Variants in UTP20 observed in about 807,000 individuals in gnomAD.
UTP20 encodes the protein UTP20 small subunit processome component, also known as small subunit processome component 20 homolog.
Under a neutral mutation model 329.5 loss-of-function variants are expected in UTP20, and 164 were observed. The observed-to-expected ratio is 0.50, with a 90% CI of 0.44 to 0.57. The LOEUF (loss-of-function observed/expected upper bound fraction) is 0.57, where lower values mean the gene tolerates loss of function less well. Among genes scored for constraint, UTP20 ranks in the 20% least tolerant of loss-of-function variants. UTP20 has a pLI of 0.00. For missense variants in UTP20, 3,055 were observed against 3,284.2 expected, an observed-to-expected ratio of 0.93 and a Z score of 1.71; for synonymous variants, 1,151 against 1,159.3, an observed-to-expected ratio of 0.99 and a Z score of 0.14.
At position 101,386,388 on chromosome 12, in the gene UTP20, G is replaced by GTATT. The variant is rs975344952; in HGVS notation, c.*267_*270dup. 29 of 268,266 alleles carry GTATT rather than the reference G, an allele frequency of 1.1e-4. No homozygotes were observed. In the East Asian group the frequency reaches 1.2e-3, roughly 11 times the overall value. The allele number at this position is 268,266 out of a possible 1,614,324, so 16.6% of individuals were successfully genotyped here. A position where few individuals can be genotyped will look rare whatever the true frequency, so the allele number is the denominator to read the frequency against. On this transcript the variant is annotated 3_prime_UTR_variant, in exon 62 of 62. Transcript: ENST00000261637. ...ATGCCCGGCAAATTTTTTGTATTTT[G>GTATT]TATTTTTTGTAGAAACAGGATTTCG...
At chr12:101,382,018 C>CAAAAAAA (rs756789889) in intron 58 of UTP20, among the ~76,000 whole-genome samples, 7 of 107,252 alleles carry the variant, frequency 6.5e-5, no homozygotes, top group African/African-American at 1.5e-4. Context: ...GACTCTGTAT[C>CAAAAAAA]AAAAAAAAAA....
rs1402895836 is a variant in UTP20 at position 101,357,225 on chromosome 12, A to G, written c.5691+143A>G. The G allele has an allele frequency of 5.7e-6, 4 of 707,476 alleles. No homozygotes were observed. The East Asian group carries it at 9.0e-5, about 16-fold the overall frequency. 43.8% of individuals were successfully genotyped at this position (707,476 alleles called of 1,614,324 possible). ...GAGCAGTAATATTCAAAAGTTTCCA[A>G]TTAGTATTAAGGAAATCTGTTGTTT... On this transcript the variant is annotated intron_variant, in intron 43 of 61. Coordinates refer to ENST00000261637, the MANE Select transcript of UTP20 (RefSeq NM_014503.3).
intron 5 of UTP20, among the ~76,000 whole-genome samples, chr12:101,287,645 A>C (rs1372919022): frequency 6.6e-6 from 1 of 152,156 alleles, no homozygotes; most frequent in Non-Finnish European, 1.5e-5. Context: ...ATTTTCTGTC[A>C]TTAATACTAA....
chr12:101,307,052 C>G (rs1468986765), intron 17 of UTP20, among the ~76,000 whole-genome samples: 2 of 151,736 alleles, frequency 1.3e-5, no homozygotes, highest in African/African-American at 4.8e-5. Flanking sequence ...GTGGCGGGCA[C>G]CTGTAGTCCC....
chr12:101,379,692 GA>G, intron 57 of UTP20, 134 bp downstream of exon 57: 1 of 954,604 alleles, frequency 1.0e-6, no homozygotes, highest in East Asian at 2.6e-5. Flanking sequence ...GAATCAATAG[GA>G]ATATTAGTCA....
intron 17 of UTP20, among the ~76,000 whole-genome samples, 159 bp downstream of exon 17, chr12:101,306,920 T>C (rs1171268385): frequency 6.6e-6 from 1 of 152,200 alleles, no homozygotes; most frequent in African/African-American, 2.4e-5. Flanking sequence ...ACGCCTGTAA[T>C]CCCAGCACTT....
chr12:101,283,736 G>A (rs1471108609), intron 2 of UTP20, among the ~76,000 whole-genome samples: 1 of 152,200 alleles, frequency 6.6e-6, no homozygotes, highest in Non-Finnish European at 1.5e-5. Flanking sequence ...GAAAAATAGA[G>A]ATAGGATCTC....
At chr12:101,289,473 G>T (rs1242875864) in intron 6 of UTP20, among the ~76,000 whole-genome samples, 1 of 151,968 alleles carries the variant, frequency 6.6e-6, no homozygotes, top group Non-Finnish European at 1.5e-5. Context: ...TGGTTATTAT[G>T]GGCTAATTTT....
At chr12:101,309,919 G>A in intron 19 of UTP20, 80 bp downstream of exon 19, 2 of 1,326,620 alleles carry the variant, frequency 1.5e-6, no homozygotes, top group South Asian at 1.2e-5. Context: ...TCTCCTTCTG[G>A]GTGTGATTTA....
At position 101,356,307 on chromosome 12, in the gene UTP20, G is replaced by T. The variant is rs1387549323; in HGVS notation, c.5395-247G>T. Among the ~76,000 whole-genome samples the T allele has an allele frequency of 2.0e-5, 3 of 152,028 alleles. No homozygotes were observed. The South Asian group carries it at 6.2e-4, about 32-fold the overall frequency. On this transcript the variant is annotated intron_variant, in intron 41 of 61. Transcript: ENST00000261637. ...ACGCCCGGCTAATTTTGTATTTTTA[G>T]TAGAGACGGGGTTTCTCCAGGTTGG...
At chr12:101,347,310 G>A (rs1404964183) in intron 38 of UTP20, among the ~76,000 whole-genome samples, 3 of 152,098 alleles carry the variant, frequency 2.0e-5, no homozygotes, top group African/African-American at 7.2e-5. Context: ...ATCACTTGAG[G>A]TCAGGAGTTT....
chr12:101,311,597 A>T lies in UTP20; in HGVS notation c.2232-122A>T, dbSNP rs117749202. ...AAGTGCAAAAGGTGTTTACGACTCC[A>T]CATTGAGGGATAACCTAATTGACAT... On this transcript the variant is annotated intron_variant, in intron 19 of 61. Coordinates refer to ENST00000261637, the MANE Select transcript of UTP20 (RefSeq NM_014503.3). The T allele has an allele frequency of 4.3e-4, 365 of 841,830 alleles. 2 individuals carry two copies. The East Asian group carries it at 8.5e-3, about 20-fold the overall frequency. The allele number at this position is 841,830 out of a possible 1,614,324, so 52.1% of individuals were successfully genotyped here.
chr12:101,367,437 C>G (rs1870133857), intron 47 of UTP20, among the ~76,000 whole-genome samples: 1 of 152,168 alleles, frequency 6.6e-6, no homozygotes, highest in Non-Finnish European at 1.5e-5. Context: ...AGTCACCATA[C>G]TCTTTCCTGC....
chr12:101,382,234 G>A (rs1870671235), intron 58 of UTP20, among the ~76,000 whole-genome samples: 1 of 151,682 alleles, frequency 6.6e-6, no homozygotes, highest in African/African-American at 2.4e-5. Context: ...GCGAAACCCT[G>A]TCTCTACTAA....
intron 5 of UTP20, among the ~76,000 whole-genome samples, chr12:101,286,932 G>A (rs1871978154): frequency 1.3e-5 from 2 of 152,122 alleles, no homozygotes; most frequent in Non-Finnish European, 2.9e-5. Context: ...TTTAAACACT[G>A]ACATTTCCCC....
chr12:101,317,380 A>T, intron 21 of UTP20, 98 bp from the exon 22 acceptor site: 2 of 1,324,974 alleles, frequency 1.5e-6, no homozygotes, highest in Non-Finnish European at 2.1e-6. Context: ...TCAGTGTGTG[A>T]TTCTGTGAAC....
intron 18 of UTP20, among the ~76,000 whole-genome samples, chr12:101,309,105 T>G (rs748360578): frequency 2.0e-5 from 3 of 152,098 alleles, no homozygotes; most frequent in Non-Finnish European, 2.9e-5. Context: ...TCTTTGGGAG[T>G]AAGGCCAAAA....
chr12:101,362,463 G>T (rs1427648954), intron 44 of UTP20, among the ~76,000 whole-genome samples: 3 of 152,144 alleles, frequency 2.0e-5, no homozygotes, highest in Non-Finnish European at 4.4e-5. Flanking sequence ...CAGCACTTTG[G>T]GAGGCTGAGG....
rs1870449950 is a variant in UTP20, at chr12:101,375,746, T to A, written c.7386T>A (p.Ser2462Arg). ...IQFTKPAETL[S>R]KIWSHVHSHL... The stretch of plus-strand genomic sequence containing the variant: ...TTACCAAACCCGCTGAGACTTTGAG[T>A]AAAATCTGGAGTAAGTATTTCCTTT... Residue 2462 changes from serine to arginine, a missense_variant, in exon 56 of 62, where the codon AGT (serine) becomes AGA (arginine). This residue lies in a region of UTP20 where 273 missense variants were observed against 363.1 expected (regional missense o/e 0.75). Transcript: ENST00000261637. 4 of 1,559,162 alleles carry A rather than the reference T, an allele frequency of 2.6e-6. No homozygotes were observed. Among genetic ancestry groups the A allele is most frequent in the Non-Finnish European group, 3.5e-6 (4 of 1,137,132 alleles).
Sources: allele counts gnomAD v4.1 joint callset (sites outside exome capture counted in the v4.1 genomes callset), GRCh38; gene constraint gnomAD v4.1.1; regional missense constraint gnomAD v4.1.1; transcripts MANE v1.5; gene names NCBI Gene and HGNC (gene_info 2026-07-23, HGNC 2026-07-21).